Variants in PTPRQ observed in about 807,000 individuals in gnomAD.
The protein encoded by PTPRQ is phosphatidylinositol phosphatase PTPRQ.
A neutral mutation model predicts 246.0 loss-of-function variants in PTPRQ; 199 were observed. The observed-to-expected ratio is 0.81, with a 90% confidence interval of 0.72 to 0.91. The LOEUF (loss-of-function observed/expected upper bound fraction) is 0.91, where lower values mean the gene tolerates loss of function less well. Ranked by LOEUF, PTPRQ falls within the 40% of genes least tolerant of loss-of-function variation. The pLI is 0.00. For missense variants in PTPRQ, 2,624 were observed against 2,528.4 expected, an observed-to-expected ratio of 1.04 and a Z score of -0.81; for synonymous variants, 869 against 853.2, an observed-to-expected ratio of 1.02 and a Z score of -0.32.
At chr12:80,515,732 CTGAA>C (rs1895274124) in intron 17 of PTPRQ, among the ~76,000 whole-genome samples, 1 of 136,296 alleles carries the variant, frequency 7.3e-6, no homozygotes, top group Admixed American at 8.0e-5. Flanking sequence ...CTACACCTGA[CTGAA>C]TATTTCTTTT....
At chr12:80,545,060 A>G (rs1056346024) in intron 23 of PTPRQ, among the ~76,000 whole-genome samples, 15 of 152,150 alleles carry the variant, frequency 9.9e-5, no homozygotes, top group African/African-American at 3.6e-4. Flanking sequence ...CCCATAAACT[A>G]TTCTCTTATT....
chr12:80,647,186 G>T (rs1163028), intron 35 of PTPRQ, among the ~76,000 whole-genome samples: 2,765 of 152,192 alleles, frequency 0.018, 71 homozygotes, highest in African/African-American at 0.064. Flanking sequence ...TCCTTATATA[G>T]GTGGACTACT....
At chr12:80,520,516 C>T (rs1354325061) in intron 17 of PTPRQ, among the ~76,000 whole-genome samples, 1 of 125,630 alleles carries the variant, frequency 8.0e-6, no homozygotes, top group African/African-American at 2.9e-5. Context: ...CCCCCTCCCC[C>T]CACCCCACAA....
chr12:80,517,491 C>T (rs1009985200), intron 17 of PTPRQ, among the ~76,000 whole-genome samples: 1 of 152,044 alleles, frequency 6.6e-6, no homozygotes, highest in Non-Finnish European at 1.5e-5. Flanking sequence ...AGCATTTGTC[C>T]TTAGTGTTAT....
chr12:80,538,263 G>A (rs562196939), intron 19 of PTPRQ, among the ~76,000 whole-genome samples: 8 of 152,282 alleles, frequency 5.3e-5, no homozygotes, highest in African/African-American at 1.7e-4. Context: ...AAAATAAACA[G>A]CTGAATAAAA....
intron 14 of PTPRQ, among the ~76,000 whole-genome samples, chr12:80,498,342 A>G (rs1894691800): frequency 6.6e-6 from 1 of 152,226 alleles, no homozygotes; most frequent in South Asian, 2.1e-4. Flanking sequence ...CATTATTGTT[A>G]TCTTCACAGA....
chr12:80,506,224 A>G lies in PTPRQ; in HGVS notation c.2455+18A>G. On this transcript the variant is annotated intron_variant, in intron 15 of 44. Coordinates refer to ENST00000644991, the MANE Select transcript of PTPRQ (RefSeq NM_001145026.2). ...CATTAAAGGTAAAAGAACAAATCTA[A>G]TATTGGATATTTGCATTTATAATGA... 6.9e-7 allele frequency: 1 copy of G among 1,444,560 alleles called. No individual in the cohort carries two copies. Among genetic ancestry groups the G allele is most frequent in the Non-Finnish European group, 9.2e-7 (1 of 1,091,888 alleles). The allele number at this position is 1,444,560 out of a possible 1,614,324, so 89.5% of individuals were successfully genotyped here.
At chr12:80,600,881 A>G (rs747344461) in intron 26 of PTPRQ, among the ~76,000 whole-genome samples, 2 of 151,692 alleles carry the variant, frequency 1.3e-5, no homozygotes, top group Non-Finnish European at 2.9e-5. Flanking sequence ...TCTGGCCCCC[A>G]TTTCCTCTCG....
At chr12:80,644,924 A>T (rs1479906318) in intron 35 of PTPRQ, among the ~76,000 whole-genome samples, 1 of 152,082 alleles carries the variant, frequency 6.6e-6, no homozygotes, top group Non-Finnish European at 1.5e-5. Flanking sequence ...TAGTCAGGTA[A>T]TGTACCTCAA....
At chr12:80,599,932 A>G (rs1898088477) in intron 26 of PTPRQ, among the ~76,000 whole-genome samples, 1 of 151,642 alleles carries the variant, frequency 6.6e-6, no homozygotes, top group Non-Finnish European at 1.5e-5. Context: ...TAATCCTTCA[A>G]GAATACAAGT....
intron 14 of PTPRQ, among the ~76,000 whole-genome samples, chr12:80,500,194 A>C (rs1179829281): frequency 1.3e-5 from 2 of 151,912 alleles, no homozygotes; most frequent in Non-Finnish European, 2.9e-5. Context: ...ATCATGGACT[A>C]TGTATTTTTT....
intron 26 of PTPRQ, among the ~76,000 whole-genome samples, chr12:80,592,826 A>G (rs1897844948): frequency 6.6e-6 from 1 of 152,120 alleles, no homozygotes; most frequent in Non-Finnish European, 1.5e-5. Flanking sequence ...CCTTTCCAAC[A>G]TGGTGAAACC....
intron 25 of PTPRQ, among the ~76,000 whole-genome samples, chr12:80,568,543 C>T (rs1897046246): frequency 3.9e-5 from 6 of 152,172 alleles, no homozygotes; most frequent in African/African-American, 1.4e-4. Context: ...AGTAAGTTGT[C>T]TTGGCTGCAT....
chr12:80,575,852 A>AG (rs1490840232), intron 25 of PTPRQ, among the ~76,000 whole-genome samples: 2 of 150,778 alleles, frequency 1.3e-5, no homozygotes, highest in East Asian at 3.9e-4. Flanking sequence ...AAAAAAAAAA[A>AG]AAAAAGAAAA....
intron 26 of PTPRQ, among the ~76,000 whole-genome samples, chr12:80,599,550 G>A (rs1293924445): frequency 6.6e-6 from 1 of 151,824 alleles, no homozygotes; most frequent in Non-Finnish European, 1.5e-5. Flanking sequence ...ATTCATAAAT[G>A]TAATTCTGTA....
chr12:80,455,446 G>C lies in PTPRQ; in HGVS notation c.391-2129G>C, dbSNP rs144902188. ...CAAATCTTCTTGTTTTTACATGTCT[G>C]TTGACATTTTGGATATTGGTTTGAA... On this transcript the variant is annotated intron_variant, in intron 3 of 44. Transcript: ENST00000644991. Among the ~76,000 whole-genome samples the C allele has an allele frequency of 3.4e-3, 523 of 152,180 alleles. 4 individuals are homozygous for C. Among genetic ancestry groups the C allele is most frequent in the African/African-American group, 0.012 (512 of 41,510 alleles).
intron 35 of PTPRQ, among the ~76,000 whole-genome samples, chr12:80,637,688 T>C (rs1899707820): frequency 6.6e-6 from 1 of 152,188 alleles, no homozygotes; most frequent in Admixed American, 6.5e-5. Context: ...TATTTTTATG[T>C]TAATAAAGTC....
At chr12:80,509,552 C>A (rs1035178339) in intron 16 of PTPRQ, among the ~76,000 whole-genome samples, 3 of 152,030 alleles carry the variant, frequency 2.0e-5, no homozygotes, top group African/African-American at 7.2e-5. Flanking sequence ...TATTCTAAGA[C>A]ATTACTGTGT....
rs1035088378 is a variant in PTPRQ at position 80,465,394 on chromosome 12, A to G, written c.911-3316A>G. ...TACCAACCAAAAAGAGTCCAGGACC[A>G]GATGGATTCACAGCCGAATTCTACC... On this transcript the variant is annotated intron_variant, in intron 6 of 44. Transcript: ENST00000644991. 5.3e-5 allele frequency: 8 copies of G among 152,260 alleles called. No individual in the cohort carries two copies. In the East Asian group the frequency reaches 1.3e-3, roughly 26 times the overall value. The allele number at this position is 152,260 out of a possible 1,614,324, so 9.4% of individuals were successfully genotyped here. A position where few individuals can be genotyped will look rare whatever the true frequency, so the allele number is the denominator to read the frequency against.
Sources: gnomAD v4.1 joint callset for allele counts (sites outside exome capture counted in the v4.1 genomes callset) on GRCh38, gnomAD v4.1.1 for gene constraint, MANE v1.5 for transcripts, NCBI Gene and HGNC (gene_info 2026-07-23, HGNC 2026-07-21) for gene names.